The following CFAP61 variants were observed in gnomAD, a reference collection of about 807,000 sequenced individuals.
CFAP61 encodes cilia- and flagella-associated protein 61.
Under a neutral mutation model 135.6 loss-of-function variants are expected in CFAP61, and 107 were observed. The observed-to-expected ratio is 0.79, with a 90% CI of 0.67 to 0.93. The LOEUF is 0.93. Among genes scored for constraint, CFAP61 ranks in the 40% least tolerant of loss-of-function variants. The probability of loss-of-function intolerance (pLI) is 0.00; values close to 1 mark genes in which losing one functional copy is unlikely to be tolerated. For synonymous variants in CFAP61, 575 were observed against 578.5 expected (o/e 0.99, Z 0.09); for missense variants, 1,507 against 1,556.2 (o/e 0.97, Z 0.53).
At chr20:20,132,783 T>C (rs184161304) in intron 8 of CFAP61, among the ~76,000 whole-genome samples, 14 of 152,236 alleles carry the variant, frequency 9.2e-5, no homozygotes, top group Admixed American at 3.3e-4. Context: ...TGAAGTCTAC[T>C]TTTTCTGATT....
At chr20:20,318,594 G>A (rs2057269907) in intron 25 of CFAP61, among the ~76,000 whole-genome samples, 1 of 152,102 alleles carries the variant, frequency 6.6e-6, no homozygotes, top group South Asian at 2.1e-4. Context: ...CTCCCCTGAT[G>A]GTGGAAATCA....
chr20:20,073,076 A>G lies in CFAP61; in HGVS notation c.295-1226A>G, dbSNP rs141078986. Among the ~76,000 whole-genome samples, 97 of 152,330 alleles carry G rather than the reference A, an allele frequency of 6.4e-4. 1 individual carries two copies. The East Asian group carries it at 0.011, about 18-fold the overall frequency. ...CAGCTGAAGTAATGATTTTTATCTT[A>G]AAGCTAAAGAATAAATCTTGCATTG... On this transcript the variant is annotated intron_variant, in intron 3 of 26. Coordinates refer to ENST00000245957, the MANE Select transcript of CFAP61 (RefSeq NM_015585.4).
chr20:20,203,408 T>G (rs1336655213), intron 17 of CFAP61, among the ~76,000 whole-genome samples: 2 of 152,226 alleles, frequency 1.3e-5, no homozygotes, highest in African/African-American at 4.8e-5. Flanking sequence ...CATGGAAGTT[T>G]TTATTAGATG....
intron 13 of CFAP61, among the ~76,000 whole-genome samples, chr20:20,173,996 A>G (rs1250943275): frequency 6.6e-6 from 1 of 152,178 alleles, no homozygotes; most frequent in Non-Finnish European, 1.5e-5. Flanking sequence ...AATCTTTTAA[A>G]TGATGAGTCT....
chr20:20,251,608 G>A lies in CFAP61; in HGVS notation c.2173G>A (p.Asp725Asn). 5.0e-6 allele frequency: 8 copies of A among 1,614,136 alleles called. No homozygotes were observed. The highest frequency in any genetic ancestry group is 6.8e-6 in the Non-Finnish European group (8 of 1,180,020). ...KFLASDHCFN[D>N]KDYALMSLCS... ...CTCTCTTTGCAGCCACTGTTTTAAT[G>A]ATAAAGATTATGCACTGATGTCACT... is the stretch of plus-strand genomic sequence containing the variant. Residue 725 changes from aspartate to asparagine, a missense_variant, in exon 20 of 27, where the codon GAT becomes AAT. Coordinates refer to ENST00000245957, the MANE Select transcript of CFAP61 (RefSeq NM_015585.4).
intron 8 of CFAP61, among the ~76,000 whole-genome samples, chr20:20,101,240 T>C (rs1353013702): frequency 1.3e-5 from 2 of 152,276 alleles, no homozygotes; most frequent in African/African-American, 4.8e-5. Flanking sequence ...AAAGGAAATA[T>C]AATTTCTCTA....
At chr20:20,202,173 C>T (rs1397619506) in intron 17 of CFAP61, among the ~76,000 whole-genome samples, 1 of 152,126 alleles carries the variant, frequency 6.6e-6, no homozygotes, top group East Asian at 1.9e-4. Context: ...TGCCCCTCAC[C>T]CCTGAGCCCT....
chr20:20,110,953 A>G (rs1454899790), intron 8 of CFAP61, among the ~76,000 whole-genome samples: 2 of 152,146 alleles, frequency 1.3e-5, no homozygotes, highest in African/African-American at 4.8e-5. Context: ...AGTCAGGAGG[A>G]TGGGAGAAAA....
chr20:20,185,149 C>T (rs916649943), intron 13 of CFAP61, among the ~76,000 whole-genome samples: 1 of 151,968 alleles, frequency 6.6e-6, no homozygotes, highest in South Asian at 2.1e-4. Context: ...TAATGAAGCT[C>T]GTATATTGTA....
intron 17 of CFAP61, among the ~76,000 whole-genome samples, chr20:20,203,692 G>A (rs980737104): frequency 1.3e-5 from 2 of 152,104 alleles, no homozygotes; most frequent in African/African-American, 2.4e-5. Flanking sequence ...AAAGACAGCC[G>A]AACAAGCTGC....
chr20:20,301,672 G>A (rs1320835254), intron 25 of CFAP61, among the ~76,000 whole-genome samples: 1 of 152,226 alleles, frequency 6.6e-6, no homozygotes, highest in Admixed American at 6.5e-5. Flanking sequence ...TCTGTGAAAT[G>A]CCAATTCATG....
intron 8 of CFAP61, among the ~76,000 whole-genome samples, chr20:20,126,749 T>C (rs1199163552): frequency 1.3e-5 from 2 of 151,898 alleles, no homozygotes; most frequent in Non-Finnish European, 2.9e-5. Context: ...TTCTTGTATT[T>C]GGATGTCCAG....
At chr20:20,324,143 A>G (rs1364501490) in intron 25 of CFAP61, among the ~76,000 whole-genome samples, 1 of 152,178 alleles carries the variant, frequency 6.6e-6, no homozygotes, top group Admixed American at 6.5e-5. Context: ...TTTTTATTGA[A>G]CAATAGTGTG....
rs1393918008 is a variant in CFAP61 at position 20,234,228 on chromosome 20, G to C, written c.2060+5852G>C. On this transcript the variant is annotated intron_variant, in intron 18 of 26. Transcript: ENST00000245957. ...ACACCCTTGTCAGTGGGTCCCCACT[G>C]TGGACATCTGAGGTCAGAGAATGGC... 3.9e-5 allele frequency among the ~76,000 whole-genome samples: 6 copies of C among 152,182 alleles called. 1 individual carries two copies. The highest frequency in any genetic ancestry group is 1.4e-4 in the African/African-American group (6 of 41,440).
intron 24 of CFAP61, among the ~76,000 whole-genome samples, chr20:20,293,805 T>C (rs560809569): frequency 3.5e-4 from 54 of 152,178 alleles, no homozygotes; most frequent in Non-Finnish European, 5.7e-4. Flanking sequence ...GTATATACCA[T>C]GGAAGAAAGA....
At chr20:20,055,869 A>G (rs759688199) in intron 1 of CFAP61, 24 of 1,119,296 alleles carry the variant, frequency 2.1e-5, no homozygotes, top group Non-Finnish European at 3.0e-5. Flanking sequence ...TATGAAGGAA[A>G]GAAGGGAGGG....
intron 6 of CFAP61, among the ~76,000 whole-genome samples, chr20:20,085,763 C>T (rs574782063): frequency 6.6e-6 from 1 of 152,304 alleles, no homozygotes; most frequent in Non-Finnish European, 1.5e-5. Flanking sequence ...TTTAAAATGT[C>T]TGTTAATAAA....
rs149422166 is a variant in CFAP61 at position 20,310,637 on chromosome 20, G to A, written c.3422+12251G>A. ...GAGCAGGCTTTAGACTGCCTTCCAC[G>A]AAAAATTCAGAAAATGGCTCCGCAG... On this transcript the variant is annotated intron_variant, in intron 25 of 26. Coordinates refer to ENST00000245957, the MANE Select transcript of CFAP61 (RefSeq NM_015585.4). Among the ~76,000 whole-genome samples the A allele has an allele frequency of 4.5e-3, 681 of 152,250 alleles. 5 individuals are homozygous for A. Among genetic ancestry groups the A allele is most frequent in the Middle Eastern group, 0.024 (7 of 294 alleles).
chr20:20,112,716 T>A (rs1198879398), intron 8 of CFAP61, among the ~76,000 whole-genome samples: 2 of 152,200 alleles, frequency 1.3e-5, no homozygotes, highest in Non-Finnish European at 2.9e-5. Flanking sequence ...CTGCTGATTG[T>A]TCGAATGTTT....
Sources: allele counts gnomAD v4.1 joint callset (sites outside exome capture counted in the v4.1 genomes callset), GRCh38; gene constraint gnomAD v4.1.1; transcripts MANE v1.5; gene names NCBI Gene and HGNC (gene_info 2026-07-23, HGNC 2026-07-21).